The following ARHGAP40 variants were observed in gnomAD, a reference collection of about 807,000 sequenced individuals.
ARHGAP40 encodes the protein Rho GTPase activating protein 40.
ARHGAP40 carries 43 observed loss-of-function variants against 73.5 expected under a neutral mutation model. The ratio of observed to expected loss-of-function variants is 0.58; its 90% confidence interval spans 0.46 to 0.75. The LOEUF (loss-of-function observed/expected upper bound fraction) is 0.75. ARHGAP40 is among the 30% of genes least tolerant of loss of function. The probability of loss-of-function intolerance (pLI) is 0.00; values close to 1 mark genes in which losing one functional copy is unlikely to be tolerated. For missense variants in ARHGAP40, 734 were observed against 861.8 expected, an observed-to-expected ratio of 0.85 and a Z score of 1.86; for synonymous variants, 300 against 352.8, an observed-to-expected ratio of 0.85 and a Z score of 1.68.
intron 6 of ARHGAP40, among the ~76,000 whole-genome samples, chr20:38,635,547 C>T (rs1448367627): frequency 1.3e-5 from 2 of 152,072 alleles, no homozygotes; most frequent in Non-Finnish European, 2.9e-5. Context: ...CCTCTAGTCC[C>T]ACCTACCTGG....
rs2089057253 is a variant in ARHGAP40, at chr20:38,646,919, T to C, written c.1711-38T>C. On this transcript the variant is annotated intron_variant, in intron 12 of 14. Transcript: ENST00000373345. This position sits in a 1 kb window ranked among gnomAD's most constrained non-coding sequence, Gnocchi z 4.5. Reference sequence around the variant, plus strand: ...ACGTTGGAACTCCAGGCAAGCTGACTCTTATGTATATGGATCTTTCTCTCT... The same window carrying C: ...ACGTTGGAACTCCAGGCAAGCTGACCCTTATGTATATGGATCTTTCTCTCT... 3 of 1,283,770 alleles carry C rather than the reference T, an allele frequency of 2.3e-6. No homozygotes were observed. In the South Asian group the frequency reaches 3.8e-5, roughly 16 times the overall value. The allele number at this position is 1,283,770 out of a possible 1,614,324, so 79.5% of individuals were successfully genotyped here. A position where few individuals can be genotyped will look rare whatever the true frequency, so the allele number is the denominator to read the frequency against.
intron 14 of ARHGAP40, among the ~76,000 whole-genome samples, chr20:38,649,236 G>T (rs765012947): frequency 1.4e-4 from 22 of 152,362 alleles, no homozygotes; most frequent in South Asian, 8.3e-4. Context: ...GTGTGTTTCT[G>T]ATGAGTTCCC....
chr20:38,608,307 T>C (rs1310742134), intron 1 of ARHGAP40, among the ~76,000 whole-genome samples: 1 of 152,182 alleles, frequency 6.6e-6, no homozygotes, highest in Non-Finnish European at 1.5e-5. Flanking sequence ...ATTCACTGAC[T>C]TGTTTCTTTA....
intron 1 of ARHGAP40, among the ~76,000 whole-genome samples, chr20:38,606,656 C>T (rs1368976427): frequency 6.6e-6 from 1 of 152,166 alleles, no homozygotes. Context: ...GAGTCTAGTG[C>T]ACCAGCCAGA....
In ARHGAP40 at chr20:38,623,346, C is replaced by G. The variant is rs1409297941; in HGVS notation, c.138-13C>G. ...ACTTGCTGACCTCCCTGCACCTTCC[C>G]CACTTGCTACAGCTCTGGCCCCTCC... is the stretch of plus-strand genomic sequence containing the variant. On this transcript the variant is annotated splice_polypyrimidine_tract_variant and intron_variant, in intron 1 of 14. Coordinates refer to ENST00000373345, the Ensembl canonical transcript of ARHGAP40. 1 of 1,281,588 alleles carries G rather than the reference C, an allele frequency of 7.8e-7. No homozygotes were observed. The highest frequency in any genetic ancestry group is 2.3e-5 in the Admixed American group (1 of 42,972). 79.4% of individuals were successfully genotyped at this position (1,281,588 alleles called of 1,614,324 possible). A position where few individuals can be genotyped will look rare whatever the true frequency, so the allele number is the denominator to read the frequency against.
exon 8 of ARHGAP40, chr20:38,638,831 G>A: frequency 7.7e-7 from 1 of 1,305,442 alleles, no homozygotes; most frequent in Non-Finnish European, 1.0e-6. Flanking sequence ...TCCCAGGCCA[G>A]GGTCAAGGTA....
chr20:38,635,005 C>T (rs902177592), intron 6 of ARHGAP40, among the ~76,000 whole-genome samples: 2 of 152,070 alleles, frequency 1.3e-5, no homozygotes, highest in Admixed American at 6.6e-5. Context: ...CCTCAGCCAC[C>T]CGAGTAGCTG....
intron 1 of ARHGAP40, among the ~76,000 whole-genome samples, chr20:38,609,247 C>A (rs1381969923): frequency 6.6e-6 from 1 of 152,164 alleles, no homozygotes; most frequent in African/African-American, 2.4e-5. Context: ...ATCCTGCCTC[C>A]CTCCAACCTG....
At chr20:38,631,324 A>G (rs1030546887) in intron 5 of ARHGAP40, among the ~76,000 whole-genome samples, 9 of 151,744 alleles carry the variant, frequency 5.9e-5, no homozygotes, top group Non-Finnish European at 8.8e-5. Context: ...AAAAAAAAAA[A>G]AGAGAAGTGG....
chr20:38,605,883 A>G (rs2088768182), intron 1 of ARHGAP40, among the ~76,000 whole-genome samples: 1 of 151,910 alleles, frequency 6.6e-6, no homozygotes, highest in South Asian at 2.1e-4. Flanking sequence ...AGAAATCAAC[A>G]TTATTCTTTT....
chr20:38,641,933 T>C (rs1293385950), intron 10 of ARHGAP40, 125 bp downstream of exon 10: 5 of 697,684 alleles, frequency 7.2e-6, no homozygotes, highest in Non-Finnish European at 1.0e-5. Flanking sequence ...GGTTCAGTGA[T>C]GACCCACACA....
intron 2 of ARHGAP40, 28 bp from the exon 3 acceptor site, chr20:38,626,967 T>C (rs1405488366): frequency 8.5e-6 from 11 of 1,300,072 alleles, no homozygotes; most frequent in Non-Finnish European, 1.1e-5. Flanking sequence ...GCTGTGTGTG[T>C]TCATCTGGGT....
At chr20:38,641,906 A>G (rs2089020846) in intron 10 of ARHGAP40, 98 bp downstream of exon 10, 2 of 954,274 alleles carry the variant, frequency 2.1e-6, no homozygotes, top group Admixed American at 4.5e-5. Flanking sequence ...TCATTCAACA[A>G]CTCTGCCAGG....
chr20:38,649,653 C>A, intron 14 of ARHGAP40, 104 bp from the exon 15 acceptor site: 1 of 596,856 alleles, frequency 1.7e-6, no homozygotes, highest in Non-Finnish European at 2.8e-6. Flanking sequence ...AGTCAAGATG[C>A]ATACAGCCAG....
chr20:38,632,961 A>G lies in ARHGAP40; in HGVS notation c.784-1659A>G, dbSNP rs1184950778. Among the ~76,000 whole-genome samples the G allele has an allele frequency of 7.2e-5, 11 of 152,218 alleles. No individual in the cohort carries two copies. In the South Asian group the frequency reaches 2.3e-3, roughly 32 times the overall value. On this transcript the variant is annotated intron_variant, in intron 5 of 14. Transcript: ENST00000373345. ...AACATGGTGAAACCCCATCCCTACT[A>G]AAAATACAAAAGTTAGCTGGGTGTG... is the stretch of plus-strand genomic sequence containing the variant.
intron 1 of ARHGAP40, among the ~76,000 whole-genome samples, chr20:38,614,565 A>G (rs185489119): frequency 6.6e-6 from 1 of 152,248 alleles, no homozygotes; most frequent in East Asian, 1.9e-4. Context: ...ATCTACACCT[A>G]CCAGTCACTG....
At chr20:38,632,210 C>A (rs1053002132) in intron 5 of ARHGAP40, among the ~76,000 whole-genome samples, 3 of 151,754 alleles carry the variant, frequency 2.0e-5, no homozygotes, top group African/African-American at 7.3e-5. Context: ...GTGATCTGCC[C>A]GCCTCAGCCT....
At chr20:38,649,563 G>C (rs1207878805) in intron 14 of ARHGAP40, among the ~76,000 whole-genome samples, 194 bp from the exon 15 acceptor site, 1 of 152,202 alleles carries the variant, frequency 6.6e-6, no homozygotes, top group African/African-American at 2.4e-5. Context: ...CAGGGGAAAG[G>C]GGGTGTCACT....
chr20:38,618,947 G>A (rs576935915), intron 1 of ARHGAP40, among the ~76,000 whole-genome samples: 7 of 152,306 alleles, frequency 4.6e-5, no homozygotes, highest in Non-Finnish European at 7.3e-5. Context: ...GGGACCATAC[G>A]TGATATCCAC....
Sources: allele counts gnomAD v4.1 joint callset (sites outside exome capture counted in the v4.1 genomes callset), GRCh38; gene constraint gnomAD v4.1.1; non-coding constraint Gnocchi (gnomAD v3.1); transcripts MANE v1.5; gene names NCBI Gene and HGNC (gene_info 2026-07-23, HGNC 2026-07-21).